Variants in BMPER observed in about 807,000 individuals in gnomAD.
BMPER encodes the protein BMP binding endothelial regulator.
Under a neutral mutation model 87.3 loss-of-function variants are expected in BMPER, and 45 were observed. The ratio of observed to expected loss-of-function variants is 0.52; its 90% CI spans 0.41 to 0.66. The LOEUF is 0.66. Ranked by LOEUF, BMPER falls within the 30% of genes least tolerant of loss-of-function variation. BMPER has a pLI of 0.00. For missense variants in BMPER, 784 were observed against 867.5 expected (o/e 0.90, Z 1.21); for synonymous variants, 326 against 316.2 (o/e 1.03, Z -0.33).
intron 13 of BMPER, among the ~76,000 whole-genome samples, chr7:34,109,024 A>G (rs1244869324): frequency 6.6e-6 from 1 of 152,198 alleles, no homozygotes; most frequent in Non-Finnish European, 1.5e-5. Flanking sequence ...GAGATTTCTT[A>G]TAAGGAATTA....
intron 6 of BMPER, among the ~76,000 whole-genome samples, chr7:34,035,423 A>G (rs942413172): frequency 1.3e-5 from 2 of 152,214 alleles, no homozygotes; most frequent in South Asian, 2.1e-4. Flanking sequence ...CGTGACTTCA[A>G]TTGCTATTTA....
At chr7:33,978,589 T>C (rs1237114451) in intron 6 of BMPER, among the ~76,000 whole-genome samples, 1 of 152,194 alleles carries the variant, frequency 6.6e-6, no homozygotes, top group African/African-American at 2.4e-5. Flanking sequence ...TTGGGTAGCA[T>C]TTCCAGCCTG....
intron 13 of BMPER, among the ~76,000 whole-genome samples, chr7:34,105,517 G>A (rs552025463): frequency 6.6e-6 from 1 of 152,290 alleles, no homozygotes; most frequent in Admixed American, 6.5e-5. Flanking sequence ...AGGGATATCT[G>A]GACTCTAAAA....
rs192922603 is a variant in BMPER, at chr7:34,153,021, C to T, written c.1877-71C>T. On this transcript the variant is annotated intron_variant, in intron 14 of 14. Transcript: ENST00000649409. ...ATGAAGTGTCATGAGCCTGCAAGAA[C>T]GGCATCTGGCTGAGGGTGAATTAAT... 1,643 of 1,559,178 alleles carry T rather than the reference C, an allele frequency of 1.1e-3. 15 individuals are homozygous for T. The highest frequency in any genetic ancestry group is 2.8e-4 in the Non-Finnish European group (313 of 1,131,340).
chr7:33,924,456 G>A (rs1489201398), intron 2 of BMPER, among the ~76,000 whole-genome samples: 1 of 152,082 alleles, frequency 6.6e-6, no homozygotes, highest in East Asian at 1.9e-4. Flanking sequence ...CTTGGCCTCA[G>A]CTCCCAAAGC....
chr7:34,036,602 C>T (rs1787676849), intron 6 of BMPER, among the ~76,000 whole-genome samples: 1 of 152,120 alleles, frequency 6.6e-6, no homozygotes, highest in African/African-American at 2.4e-5. Flanking sequence ...ACCACACAAT[C>T]TAGGGGTGCA....
At chr7:34,003,478 C>T (rs770892005) in intron 6 of BMPER, among the ~76,000 whole-genome samples, 7 of 151,890 alleles carry the variant, frequency 4.6e-5, no homozygotes, top group Non-Finnish European at 4.4e-5. Context: ...TCCGTTAAAT[C>T]CTGTAGAAAA....
At chr7:33,941,142 T>G (rs1341863874) in intron 3 of BMPER, among the ~76,000 whole-genome samples, 1 of 139,126 alleles carries the variant, frequency 7.2e-6, no homozygotes, top group Admixed American at 7.6e-5. Flanking sequence ...TTATATGTAA[T>G]ATATTACATA....
At chr7:34,093,087 A>G (rs904439036) in intron 13 of BMPER, among the ~76,000 whole-genome samples, 9 of 152,204 alleles carry the variant, frequency 5.9e-5, no homozygotes, top group Admixed American at 5.9e-4. Context: ...AATTTGCTAG[A>G]AGGAACTCAA....
At chr7:34,060,830 T>C (rs1472454342) in intron 10 of BMPER, among the ~76,000 whole-genome samples, 1 of 152,182 alleles carries the variant, frequency 6.6e-6, no homozygotes, top group East Asian at 1.9e-4. Context: ...TTGTGAAATT[T>C]AAATGATAAA....
chr7:33,905,383 G>C (rs1470368576), upstream of BMPER: 11 of 397,804 alleles, frequency 2.8e-5, no homozygotes, highest in Admixed American at 7.8e-5. Flanking sequence ...AAGCCGCATC[G>C]GAGGAGCCTG....
intron 13 of BMPER, among the ~76,000 whole-genome samples, chr7:34,102,563 A>G (rs1021784170): frequency 2.0e-5 from 3 of 152,174 alleles, no homozygotes; most frequent in Non-Finnish European, 4.4e-5. Flanking sequence ...AACCACATAC[A>G]TAGAGTGGAA....
intron 13 of BMPER, among the ~76,000 whole-genome samples, chr7:34,142,410 A>C (rs1166712577): frequency 3.3e-5 from 5 of 152,208 alleles, no homozygotes; most frequent in Non-Finnish European, 7.3e-5. Flanking sequence ...GTGTGAAAGC[A>C]TTTTGTAAAC....
At position 34,092,365 on chromosome 7, in the gene BMPER, T is replaced by C. The variant is rs190958032; in HGVS notation, c.1745+6273T>C. On this transcript the variant is annotated intron_variant, in intron 13 of 14. Transcript: ENST00000649409. ...GGTTCCTCTTCTGTCCCTCAGGTAG[T>C]GTTTGGGCTTGTCGTCTTCTTATGA... 7.9e-5 allele frequency among the ~76,000 whole-genome samples: 12 copies of C among 152,322 alleles called. No homozygotes were observed. The East Asian group carries it at 1.4e-3, about 17-fold the overall frequency.
chr7:34,037,673 C>G (rs1293922392), intron 6 of BMPER, among the ~76,000 whole-genome samples: 1 of 152,182 alleles, frequency 6.6e-6, no homozygotes, highest in African/African-American at 2.4e-5. Context: ...CTGAAAAGAC[C>G]TGTTGGCAAC....
chr7:33,950,024 C>T (rs1415900382), intron 3 of BMPER, among the ~76,000 whole-genome samples: 1 of 152,184 alleles, frequency 6.6e-6, no homozygotes, highest in Non-Finnish European at 1.5e-5. Context: ...GATCAGCTTT[C>T]CTTGTCAAAT....
chr7:33,936,586 A>G (rs1784608949), intron 2 of BMPER, among the ~76,000 whole-genome samples: 1 of 152,222 alleles, frequency 6.6e-6, no homozygotes, highest in Admixed American at 6.5e-5. Context: ...CAATCCATAT[A>G]CAAACAGGCA....
chr7:33,906,626 G>A (rs1188913061), intron 1 of BMPER, among the ~76,000 whole-genome samples, 192 bp from the exon 2 acceptor site: 1 of 152,074 alleles, frequency 6.6e-6, no homozygotes, highest in African/African-American at 2.4e-5. Context: ...TTTTGAACCT[G>A]TTTAAATAAA....
intron 13 of BMPER, among the ~76,000 whole-genome samples, chr7:34,111,883 C>T (rs10232272): frequency 0.82 from 123,820 of 151,908 alleles, 50,645 homozygotes; most frequent in East Asian, 0.95. Flanking sequence ...CTGGCTACTT[C>T]TGTATTTTTA....
Sources: allele counts gnomAD v4.1 joint callset (sites outside exome capture counted in the v4.1 genomes callset), GRCh38; gene constraint gnomAD v4.1.1; transcripts MANE v1.5; gene names NCBI Gene and HGNC (gene_info 2026-07-23, HGNC 2026-07-21).